Variants in ZDHHC11B observed in about 807,000 individuals in gnomAD.
The protein encoded by ZDHHC11B is zDHHC palmitoyltransferase 11B (putative).
A neutral mutation model predicts 42.3 loss-of-function variants in ZDHHC11B; 17 were observed. That is an observed-to-expected ratio of 0.40 (90% CI 0.27 to 0.60). The LOEUF (loss-of-function observed/expected upper bound fraction) is 0.60, where lower values mean the gene tolerates loss of function less well. ZDHHC11B is among the 20% of genes least tolerant of loss of function. ZDHHC11B has a pLI of 0.41. For synonymous variants in ZDHHC11B, 123 were observed against 193.5 expected (o/e 0.64, Z 3.02); for missense variants, 262 against 463.2 (o/e 0.57, Z 3.99).
chr5:721,316 A>C (rs1472444235), intron 12 of ZDHHC11B, among the ~76,000 whole-genome samples: 1 of 151,440 alleles, frequency 6.6e-6, no homozygotes, highest in African/African-American at 2.4e-5. Flanking sequence ...ACAAAATGCA[A>C]AAAGCTAAAT....
At chr5:763,644 T>C (rs1734911701) in intron 4 of ZDHHC11B, among the ~76,000 whole-genome samples, 2 of 151,736 alleles carry the variant, frequency 1.3e-5, no homozygotes, top group African/African-American at 2.4e-5. Flanking sequence ...AGCAGCCCCA[T>C]GGCACGTGGG....
In ZDHHC11B at chr5:735,915, A is replaced by C. The variant is rs1200217403; in HGVS notation, c.936-2076T>G. Among the ~76,000 whole-genome samples the C allele has an allele frequency of 2.0e-5, 3 of 148,408 alleles. 1 individual carries two copies. The highest frequency in any genetic ancestry group is 4.5e-5 in the Non-Finnish European group (3 of 67,322). ...AGAAAACAGTAACACAAATTAAAAA[A>C]CCAAGGTATTCAGGCAACAACTAGC... On this transcript the variant is annotated intron_variant, in intron 10 of 13. Coordinates refer to ENST00000508859, the MANE Select transcript of ZDHHC11B (RefSeq NM_001351303.2).
intron 13 of ZDHHC11B, among the ~76,000 whole-genome samples, chr5:715,706 T>A (rs1398633623): frequency 5.3e-5 from 8 of 151,574 alleles, no homozygotes; most frequent in African/African-American, 1.9e-4. Context: ...ACAGGTTTGC[T>A]GTCTCTCTGG....
chr5:733,465 G>A (rs1743212081), intron 11 of ZDHHC11B, among the ~76,000 whole-genome samples: 2 of 151,544 alleles, frequency 1.3e-5, no homozygotes, highest in South Asian at 4.2e-4. Flanking sequence ...TTCAGACCCT[G>A]CCCTGGGCAT....
At chr5:754,213 G>A (rs1746212254) in intron 6 of ZDHHC11B, among the ~76,000 whole-genome samples, 10 of 99,204 alleles carry the variant, frequency 1.0e-4, no homozygotes, top group African/African-American at 1.7e-4. Flanking sequence ...CATGCTCAGG[G>A]GAAACACGTC....
chr5:766,018 G>A (rs558857636), intron 4 of ZDHHC11B, among the ~76,000 whole-genome samples: 1 of 151,970 alleles, frequency 6.6e-6, no homozygotes, highest in South Asian at 2.1e-4. Context: ...TGTTCCCCAG[G>A]CCCCTTTGTC....
chr5:783,291 A>C (rs1289126760), intron 1 of ZDHHC11B, among the ~76,000 whole-genome samples: 4 of 152,258 alleles, frequency 2.6e-5, no homozygotes, highest in Non-Finnish European at 5.9e-5. Flanking sequence ...CGAGCGGCTG[A>C]CAGGCGCGAG....
At chr5:776,964 C>A (rs1357552480) in intron 1 of ZDHHC11B, among the ~76,000 whole-genome samples, 2 of 151,938 alleles carry the variant, frequency 1.3e-5, no homozygotes, top group East Asian at 1.9e-4. Flanking sequence ...GCAGGCAGAG[C>A]TCCCAATCAG....
intron 11 of ZDHHC11B, 71 bp from the exon 12 acceptor site, chr5:730,539 C>G: frequency 6.8e-7 from 1 of 1,472,578 alleles, no homozygotes; most frequent in Non-Finnish European, 9.1e-7. Flanking sequence ...TATTCTTAAA[C>G]AAAATTCAAG....
At position 766,553 on chromosome 5, in the gene ZDHHC11B, A is replaced by G. The variant is rs1735409444; in HGVS notation, c.222+145T>C. The stretch of plus-strand genomic sequence containing the variant: ...CAGAGCACGAATGGCCACTGGGCCC[A>G]CCTGCAGGCTCGGGGGACATAGTCT... On this transcript the variant is annotated intron_variant, in intron 4 of 13. Coordinates refer to ENST00000508859, the MANE Select transcript of ZDHHC11B (RefSeq NM_001351303.2). 7 of 951,046 alleles carry G rather than the reference A, an allele frequency of 7.4e-6. No individual in the cohort carries two copies. The Admixed American group carries it at 1.7e-4, about 23-fold the overall frequency. 58.9% of individuals were successfully genotyped at this position (951,046 alleles called of 1,614,324 possible).
rs755282430 is a variant in ZDHHC11B at position 730,403 on chromosome 5, T to C, written c.1058+31A>G. On this transcript the variant is annotated intron_variant, in intron 12 of 13. Coordinates refer to ENST00000508859, the MANE Select transcript of ZDHHC11B (RefSeq NM_001351303.2). ...GAGTTCAGGCAAGTGTACAGACAGA[T>C]AAAACGTTCCCATTAAACTTACGAA... 138 of 1,575,888 alleles carry C rather than the reference T, an allele frequency of 8.8e-5. 1 individual carries two copies. Among genetic ancestry groups the C allele is most frequent in the South Asian group, 1.8e-4 (15 of 83,074 alleles).
intron 9 of ZDHHC11B, among the ~76,000 whole-genome samples, chr5:743,547 G>A (rs1434373065): frequency 6.7e-6 from 1 of 149,092 alleles, no homozygotes; most frequent in East Asian, 2.1e-4. Context: ...TATGAATGCT[G>A]TACACCTTTT....
chr5:779,053 T>C (rs77424491), intron 1 of ZDHHC11B, among the ~76,000 whole-genome samples: 13,042 of 110,986 alleles, frequency 0.12, 108 homozygotes, highest in African/African-American at 0.16. Context: ...CTCTCCAGCC[T>C]CCAGAACTGT....
chr5:744,980 C>T (rs574070985), intron 9 of ZDHHC11B, among the ~76,000 whole-genome samples: 1 of 137,030 alleles, frequency 7.3e-6, no homozygotes, highest in African/African-American at 2.8e-5. Flanking sequence ...CTAGGAAGTC[C>T]GTGGTGCATG....
intron 6 of ZDHHC11B, among the ~76,000 whole-genome samples, chr5:754,082 C>T (rs1345721881): frequency 5.3e-5 from 7 of 131,604 alleles, no homozygotes; most frequent in African/African-American, 1.7e-4. Context: ...TCTTGAGCCT[C>T]CACCGTGCTC....
At chr5:727,948 C>G (rs1742716723) in intron 12 of ZDHHC11B, among the ~76,000 whole-genome samples, 1 of 151,572 alleles carries the variant, frequency 6.6e-6, no homozygotes, top group Non-Finnish European at 1.5e-5. Context: ...AATTTATGAA[C>G]TTCACGTTGC....
At chr5:728,199 G>A (rs1742736149) in intron 12 of ZDHHC11B, among the ~76,000 whole-genome samples, 1 of 151,922 alleles carries the variant, frequency 6.6e-6, no homozygotes, top group African/African-American at 2.4e-5. Flanking sequence ...AATGCACATT[G>A]AAACAATTAA....
intron 1 of ZDHHC11B, among the ~76,000 whole-genome samples, chr5:778,051 G>A (rs1211170794): frequency 1.3e-5 from 2 of 152,060 alleles, no homozygotes; most frequent in South Asian, 2.1e-4. Context: ...CACCTCCGCA[G>A]CCACCGTAGG....
intron 7 of ZDHHC11B, among the ~76,000 whole-genome samples, chr5:750,642 T>G (rs1406040572): frequency 1.6e-5 from 2 of 125,836 alleles, no homozygotes; most frequent in African/African-American, 5.3e-5. Context: ...AGTGGCTCAG[T>G]GTGAGCATTG....
Sources: gnomAD v4.1 joint callset for allele counts (sites outside exome capture counted in the v4.1 genomes callset) on GRCh38, gnomAD v4.1.1 for gene constraint, MANE v1.5 for transcripts, NCBI Gene and HGNC (gene_info 2026-07-23, HGNC 2026-07-21) for gene names.